HDAC11: variants seen among roughly 807,000 people sequenced by gnomAD.
The protein encoded by HDAC11 is histone deacetylase 11.
A neutral mutation model predicts 41.1 loss-of-function variants in HDAC11; 23 were observed. That is an observed-to-expected ratio of 0.56 (90% CI 0.40 to 0.79). The LOEUF (loss-of-function observed/expected upper bound fraction) is 0.79. Ranked by LOEUF, HDAC11 falls within the 30% of genes least tolerant of loss-of-function variation. The probability of loss-of-function intolerance (pLI) is 0.00; values close to 1 mark genes in which losing one functional copy is unlikely to be tolerated. For missense variants in HDAC11, 402 were observed against 477.3 expected, an observed-to-expected ratio of 0.84 and a Z score of 1.47; for synonymous variants, 187 against 186.6, an observed-to-expected ratio of 1.00 and a Z score of -0.02.
rs961726430 is a variant in HDAC11 at position 13,504,075 on chromosome 3, A to G, written c.650-19A>G. 3.7e-6 allele frequency: 6 copies of G among 1,612,404 alleles called. No homozygotes were observed. Among genetic ancestry groups the G allele is most frequent in the Admixed American group, 1.7e-5 (1 of 59,880 alleles). On this transcript the variant is annotated intron_variant, in intron 8 of 9. Transcript: ENST00000295757. ...TTTCCCTTCTCTATAAATTGAGGCCATCCATGTCTCTCTCCCAGAGGCCAT... is the reference window on the plus strand; with the variant it reads ...TTTCCCTTCTCTATAAATTGAGGCCGTCCATGTCTCTCTCCCAGAGGCCAT...
intron 5 of HDAC11, among the ~76,000 whole-genome samples, chr3:13,499,276 TCTC>T (rs1445776137): frequency 1.3e-5 from 2 of 152,194 alleles, no homozygotes; most frequent in East Asian, 3.8e-4. Flanking sequence ...TTCAAACAAT[TCTC>T]CTGCCTCAGC....
At position 13,490,074 on chromosome 3, in the gene HDAC11, A is replaced by C. The variant is rs142215039; in HGVS notation, c.252+6510A>C. On this transcript the variant is annotated intron_variant, in intron 3 of 9. Coordinates refer to ENST00000295757, the MANE Select transcript of HDAC11 (RefSeq NM_024827.4). ...AATGGCGCGATCTCGGCTCACTGCA[A>C]CCTCCGCCTTCTGGTTTCAGGTGAT... is the stretch of plus-strand genomic sequence containing the variant. Among the ~76,000 whole-genome samples, 192 of 151,148 alleles carry C rather than the reference A, an allele frequency of 1.3e-3. 3 individuals are homozygous for C. In the East Asian group the frequency reaches 0.023, roughly 18 times the overall value.
intron 6 of HDAC11, among the ~76,000 whole-genome samples, chr3:13,501,115 G>A (rs1007611909): frequency 1.3e-5 from 2 of 152,250 alleles, no homozygotes; most frequent in African/African-American, 4.8e-5. Flanking sequence ...AAAGGGAGTA[G>A]GGAGTGGAAA....
chr3:13,495,656 C>G (rs1213936706), intron 3 of HDAC11, among the ~76,000 whole-genome samples: 1 of 152,186 alleles, frequency 6.6e-6, no homozygotes, highest in African/African-American at 2.4e-5. Flanking sequence ...ACTGCCCTGA[C>G]GACAATGTGT....
In HDAC11 at chr3:13,480,738, G is replaced by C. The variant is rs771062277; in HGVS notation, c.2+389G>C. On this transcript the variant is annotated intron_variant, in intron 1 of 9. Transcript: ENST00000295757. This position sits in a 1 kb window ranked among gnomAD's most constrained non-coding sequence, Gnocchi z 4.6. ...TGATGGGAAGGGTTAGCAGCGCAGCGGGGTCAGGGGATCCCCGCCCCCCGC... is the reference window on the plus strand; with the variant it reads ...TGATGGGAAGGGTTAGCAGCGCAGCCGGGTCAGGGGATCCCCGCCCCCCGC... 46 of 482,856 alleles carry C rather than the reference G, an allele frequency of 9.5e-5. No individual in the cohort carries two copies. The highest frequency in any genetic ancestry group is 6.2e-4 in the South Asian group (39 of 62,962). 29.9% of individuals were successfully genotyped at this position (482,856 alleles called of 1,614,324 possible).
At chr3:13,495,890 A>C (rs1439417219) in intron 3 of HDAC11, among the ~76,000 whole-genome samples, 1 of 152,158 alleles carries the variant, frequency 6.6e-6, no homozygotes, top group African/African-American at 2.4e-5. Flanking sequence ...CTTCATCACC[A>C]CACTCATCAC....
chr3:13,496,962 C>G (rs953208140), intron 4 of HDAC11, 110 bp downstream of exon 4: 7 of 537,610 alleles, frequency 1.3e-5, no homozygotes, highest in Non-Finnish European at 2.3e-5. Context: ...TGAACAGAAT[C>G]CTAAATATTC....
Position 13,480,761 on chromosome 3 carries a change from CG to C in HDAC11, c.2+413del. On this transcript the variant is annotated intron_variant, in intron 1 of 9. Transcript: ENST00000295757. The surrounding 1 kb of genome is among the most constrained non-coding windows in gnomAD (Gnocchi z 4.6). ...GCGGGGTCAGGGGATCCCCGCCCCC[CG>C]CCCTGGCTCAGGTTGGGTCCCGACT... The C allele has an allele frequency of 2.1e-6, 1 of 470,608 alleles. No individual in the cohort carries two copies. Among genetic ancestry groups the C allele is most frequent in the Non-Finnish European group, 4.4e-6 (1 of 228,958 alleles). 29.2% of individuals were successfully genotyped at this position (470,608 alleles called of 1,614,324 possible).
Position 13,480,483 on chromosome 3 carries a change from G to T in HDAC11, c.2+134G>T, listed in dbSNP as rs1046842669. The T allele has an allele frequency of 6.7e-5, 30 of 448,976 alleles. No individual in the cohort carries two copies. Among genetic ancestry groups the T allele is most frequent in the Non-Finnish European group, 9.9e-5 (29 of 291,974 alleles). The allele number at this position is 448,976 out of a possible 1,614,324, so 27.8% of individuals were successfully genotyped here. A position where few individuals can be genotyped will look rare whatever the true frequency, so the allele number is the denominator to read the frequency against. On this transcript the variant is annotated intron_variant, in intron 1 of 9. Transcript: ENST00000295757. The surrounding 1 kb of genome is among the most constrained non-coding windows in gnomAD (Gnocchi z 4.6). ...GATTTGCTGGTGAGGGGTGAGGGAC[G>T]CTCGGGACGGGTGTTTCCAGGCCCT...
At chr3:13,490,154 T>A (rs1040216861) in intron 3 of HDAC11, among the ~76,000 whole-genome samples, 2 of 152,050 alleles carry the variant, frequency 1.3e-5, no homozygotes, top group Non-Finnish European at 2.9e-5. Flanking sequence ...GCACCACGCC[T>A]AGCTAATTTT....
chr3:13,491,300 T>C (rs565532247), intron 3 of HDAC11, among the ~76,000 whole-genome samples: 8 of 152,230 alleles, frequency 5.3e-5, no homozygotes, highest in African/African-American at 1.7e-4. Flanking sequence ...CAGAGGGCTT[T>C]CAATATTTTA....
chr3:13,504,419 C>T (rs1702517645), intron 9 of HDAC11, 49 bp from the exon 10 acceptor site: 1 of 1,604,694 alleles, frequency 6.2e-7, no homozygotes, highest in African/African-American at 1.3e-5. Context: ...GACTTCCTGA[C>T]ACCATGGGGG....
Position 13,504,592 on chromosome 3 carries a change from A to T in HDAC11, c.953A>T (p.Asn318Ile). ...TARIIADSIL[N>I]LFGLGLIGPE... ...CGCATCATTGCTGACTCCATACTTA[A>T]TCTGTTTGGCCTGGGGCTCATTGGG... Residue 318 changes from asparagine (N) to isoleucine (I), a missense_variant, in exon 10 of 10, where the codon AAT becomes ATT. Coordinates refer to ENST00000295757, the MANE Select transcript of HDAC11 (RefSeq NM_024827.4). 6.2e-7 allele frequency: 1 copy of T among 1,613,626 alleles called. No homozygotes were observed. Among genetic ancestry groups the T allele is most frequent in the Non-Finnish European group, 8.5e-7 (1 of 1,179,990 alleles).
chr3:13,504,618 C>T lies in HDAC11; in HGVS notation c.979C>T (p.Pro327Ser). The change falls in exon 10 of 10, where the codon CCT (proline) becomes TCT (serine). Residue 327 changes from proline to serine, a missense_variant. Pro to Ser is a moderately conservative substitution (Grantham distance 74). Transcript: ENST00000295757. Reference sequence around the variant, plus strand: ...TCTGTTTGGCCTGGGGCTCATTGGGCCTGAGTCACCCAGCGTCTCCGCACA... The same window carrying T: ...TCTGTTTGGCCTGGGGCTCATTGGGTCTGAGTCACCCAGCGTCTCCGCACA... The part of the protein sequence containing the change: ...LNLFGLGLIG[P>S]ESPSVSAQNS... 6.2e-7 allele frequency: 1 copy of T among 1,613,860 alleles called. No individual in the cohort carries two copies. Among genetic ancestry groups the T allele is most frequent in the Non-Finnish European group, 8.5e-7 (1 of 1,180,034 alleles).
Position 13,505,264 on chromosome 3 carries a change from C to T in HDAC11, c.*581C>T, listed in dbSNP as rs1056934870. On this transcript the variant is annotated 3_prime_UTR_variant, in exon 10 of 10. Transcript: ENST00000295757. ...GAACCCTGGGCCTGGATGTGAGGGG[C>T]GGTCAGGAAGGGGTACAGGTGGGTT... 17 of 160,168 alleles carry T rather than the reference C, an allele frequency of 1.1e-4. No individual in the cohort carries two copies. The highest frequency in any genetic ancestry group is 1.9e-4 in the Non-Finnish European group (14 of 72,330). 9.9% of individuals were successfully genotyped at this position (160,168 alleles called of 1,614,324 possible).
chr3:13,503,112 C>A, intron 8 of HDAC11, 132 bp downstream of exon 8: 1 of 623,802 alleles, frequency 1.6e-6, no homozygotes, highest in Non-Finnish European at 2.8e-6. Flanking sequence ...GTGATCCTTT[C>A]CATTTTACAG....
chr3:13,498,396 C>T (rs1033426227), intron 4 of HDAC11, 117 bp from the exon 5 acceptor site: 7 of 1,296,006 alleles, frequency 5.4e-6, no homozygotes, highest in Admixed American at 1.8e-5. Context: ...TAGCTCAGCT[C>T]ATCCTTCCCC....
intron 4 of HDAC11, among the ~76,000 whole-genome samples, chr3:13,497,255 T>G (rs1165280289): frequency 6.6e-6 from 1 of 151,998 alleles, no homozygotes; most frequent in Non-Finnish European, 1.5e-5. Flanking sequence ...CTTGGCTCAC[T>G]GCAACCTCTG....
At chr3:13,482,518 C>G (rs867120062) in intron 2 of HDAC11, among the ~76,000 whole-genome samples, 3 of 152,136 alleles carry the variant, frequency 2.0e-5, no homozygotes, top group African/African-American at 7.2e-5. Flanking sequence ...CGCAGTGGCT[C>G]GTGCCTGTAA....
Sources: allele counts gnomAD v4.1 joint callset (sites outside exome capture counted in the v4.1 genomes callset), GRCh38; gene constraint gnomAD v4.1.1; non-coding constraint Gnocchi (gnomAD v3.1); transcripts MANE v1.5; gene names NCBI Gene and HGNC (gene_info 2026-07-23, HGNC 2026-07-21).